The following SLCO2B1 variants were observed in gnomAD, a reference collection of about 807,000 sequenced individuals.
The protein encoded by SLCO2B1 is OATP-RP2.
Under a neutral mutation model 67.3 loss-of-function variants are expected in SLCO2B1, and 41 were observed. The observed-to-expected ratio is 0.61, with a 90% CI of 0.47 to 0.79. The LOEUF (loss-of-function observed/expected upper bound fraction) is 0.79. Ranked by LOEUF, SLCO2B1 falls within the 30% of genes least tolerant of loss-of-function variation. The probability of loss-of-function intolerance (pLI) is 0.00; values close to 1 mark genes in which losing one functional copy is unlikely to be tolerated. For missense variants in SLCO2B1, 837 were observed against 920.1 expected, an observed-to-expected ratio of 0.91 and a Z score of 1.17; for synonymous variants, 379 against 381.4, an observed-to-expected ratio of 0.99 and a Z score of 0.07.
At chr11:75,170,302 C>G (rs1731359392) in intron 6 of SLCO2B1, among the ~76,000 whole-genome samples, 1 of 152,168 alleles carries the variant, frequency 6.6e-6, no homozygotes, top group Non-Finnish European at 1.5e-5. Context: ...CTAGTTCTGA[C>G]CAGCTCAGAG....
chr11:75,166,383 A>G (rs1949892773), intron 4 of SLCO2B1, among the ~76,000 whole-genome samples: 3 of 152,228 alleles, frequency 2.0e-5, no homozygotes, highest in Admixed American at 6.5e-5. Flanking sequence ...TGGGAAAAGA[A>G]AGAATGAATG....
At chr11:75,169,534 G>C in intron 5 of SLCO2B1, 128 bp downstream of exon 5, 1 of 1,201,752 alleles carries the variant, frequency 8.3e-7, no homozygotes, top group Non-Finnish European at 1.2e-6. Context: ...TAAAGGTCCA[G>C]GGAAGCCCTG....
intron 7 of SLCO2B1, among the ~76,000 whole-genome samples, chr11:75,176,566 A>G (rs914526994): frequency 2.0e-5 from 3 of 152,210 alleles, no homozygotes; most frequent in African/African-American, 7.2e-5. Context: ...CCCCAAATCC[A>G]CATTTCTAAA....
chr11:75,151,420 A>G (rs772943651), intron 1 of SLCO2B1, 23 bp downstream of exon 1: 1 of 1,613,348 alleles, frequency 6.2e-7, no homozygotes, highest in Non-Finnish European at 8.5e-7. Context: ...AAATTAAGGA[A>G]GGGCCATGGA....
At chr11:75,151,677 C>T in intron 1 of SLCO2B1, 1 of 517,468 alleles carries the variant, frequency 1.9e-6, no homozygotes, top group Non-Finnish European at 3.4e-6. Flanking sequence ...AAAGACAGGC[C>T]CCTGACCCCC....
In SLCO2B1 at chr11:75,206,112, G is replaced by C. The variant is rs75075303; in HGVS notation, c.*1532G>C. The C allele has an allele frequency of 6.6e-6, 1 of 152,146 alleles. No homozygotes were observed. The highest frequency in any genetic ancestry group is 6.5e-5 in the Admixed American group (1 of 15,280). 9.4% of individuals were successfully genotyped at this position (152,146 alleles called of 1,614,324 possible). On this transcript the variant is annotated 3_prime_UTR_variant, in exon 14 of 14. Coordinates refer to ENST00000289575, the MANE Select transcript of SLCO2B1 (RefSeq NM_007256.5). ...AATATCTGAGCATGTATCTATCAAC[G>C]CCAAGAATTTCAAAGTCTCCTTCAA... is the stretch of plus-strand genomic sequence containing the variant.
In SLCO2B1 at chr11:75,205,638, T is replaced by C. The variant is rs1246781139; in HGVS notation, c.*1058T>C. The C allele has an allele frequency of 6.6e-6, 1 of 152,308 alleles. No homozygotes were observed. Among genetic ancestry groups the C allele is most frequent in the Non-Finnish European group, 1.5e-5 (1 of 68,110 alleles). 9.4% of individuals were successfully genotyped at this position (152,308 alleles called of 1,614,324 possible). On this transcript the variant is annotated 3_prime_UTR_variant, in exon 14 of 14. Transcript: ENST00000289575. ...TTGGGGGTGGCACCTGGTTCTCCGA[T>C]GCCTGGGCTGGTGTCAGGCCCAGGA...
chr11:75,159,036 C>T (rs1431639197), intron 1 of SLCO2B1, among the ~76,000 whole-genome samples: 1 of 152,250 alleles, frequency 6.6e-6, no homozygotes, highest in Non-Finnish European at 1.5e-5. Context: ...TGACCAGATA[C>T]CTGGGAAACG....
chr11:75,187,088 G>T (rs946455495), intron 7 of SLCO2B1, among the ~76,000 whole-genome samples: 1 of 152,118 alleles, frequency 6.6e-6, no homozygotes, highest in Non-Finnish European at 1.5e-5. Flanking sequence ...AATGATTTTT[G>T]ACTCTTATTT....
Position 75,193,333 on chromosome 11 carries a change from C to A in SLCO2B1, c.1191C>A (p.Phe397Leu). 1 of 1,614,168 alleles carries A rather than the reference C, an allele frequency of 6.2e-7. No individual in the cohort carries two copies. Among genetic ancestry groups the A allele is most frequent in the Non-Finnish European group, 8.5e-7 (1 of 1,180,046 alleles). Residue 397 changes from phenylalanine to leucine, a missense_variant, in exon 9 of 14, where the codon TTC becomes TTA. Coordinates refer to ENST00000289575, the MANE Select transcript of SLCO2B1 (RefSeq NM_007256.5). The surrounding 1 kb of genome is among the most constrained non-coding windows in gnomAD (Gnocchi z 4.2). Reference sequence around the variant, plus strand: ...GCATGGCCACCTTCCTGCCCAAGTTCCTGGAGCGCCAGTTTTCCATCACAG... The same window carrying A: ...GCATGGCCACCTTCCTGCCCAAGTTACTGGAGCGCCAGTTTTCCATCACAG... ...AAGMATFLPK[F>L]LERQFSITAS...
chr11:75,167,895 CTT>C (rs561140005), intron 4 of SLCO2B1, among the ~76,000 whole-genome samples: 6 of 134,400 alleles, frequency 4.5e-5, no homozygotes, highest in Non-Finnish European at 6.2e-5. Flanking sequence ...TTCTTTCTTT[CTT>C]TTTTTTTTTT....
intron 5 of SLCO2B1, 114 bp from the exon 6 acceptor site, chr11:75,169,552 C>T: frequency 8.3e-7 from 1 of 1,199,324 alleles, no homozygotes; most frequent in Non-Finnish European, 1.2e-6. Context: ...CTGGAGAGTT[C>T]CCCATCCCTG....
chr11:75,198,287 T>C (rs1053269754), intron 10 of SLCO2B1, among the ~76,000 whole-genome samples: 1 of 152,246 alleles, frequency 6.6e-6, no homozygotes, highest in Non-Finnish European at 1.5e-5. Context: ...AGGCAAATTA[T>C]TTAACTAGTG....
chr11:75,188,138 C>T lies in SLCO2B1; in HGVS notation c.975C>T (p.Gly325=). 6.2e-7 allele frequency: 1 copy of T among 1,611,840 alleles called. No homozygotes were observed. The highest frequency in any genetic ancestry group is 1.3e-5 in the African/African-American group (1 of 74,992). ...LAVTDSPARK[G]KDSPSKQSPG... ...CCTTGGTTTTGTGTCTCCTTCAGGGCAAGGACTCTCCCTCTAAGCAGAGCC... is the reference window on the plus strand; with the variant it reads ...CCTTGGTTTTGTGTCTCCTTCAGGGTAAGGACTCTCCCTCTAAGCAGAGCC... Residue 325 remains glycine, a splice_region_variant and synonymous_variant, in exon 8 of 14, where the codon GGC becomes GGT. Transcript: ENST00000289575.
chr11:75,165,642 G>T, intron 3 of SLCO2B1, 145 bp from the exon 4 acceptor site: 1 of 957,872 alleles, frequency 1.0e-6, no homozygotes, highest in South Asian at 1.7e-5. Flanking sequence ...CCTTCCGAGG[G>T]GGACCCAGGA....
At chr11:75,200,486 A>AAGTGGCCTCCTTT in intron 11 of SLCO2B1, 99 bp downstream of exon 11, 2 of 1,276,820 alleles carry the variant, frequency 1.6e-6, no homozygotes, top group Non-Finnish European at 2.1e-6. Flanking sequence ...AAAGGAGGCC[A>AAGTGGCCTCCTTT]CTTGGGTGTC....
intron 9 of SLCO2B1, among the ~76,000 whole-genome samples, chr11:75,194,567 T>C (rs1047497764): frequency 1.3e-5 from 2 of 151,262 alleles, no homozygotes; most frequent in Admixed American, 6.6e-5. Flanking sequence ...TCCTCCCCCT[T>C]TCATTCTCTG....
chr11:75,188,055 C>A, intron 7 of SLCO2B1, 81 bp from the exon 8 acceptor site: 1 of 899,468 alleles, frequency 1.1e-6, no homozygotes, highest in Non-Finnish European at 1.8e-6. Context: ...TCTCCAAGAC[C>A]TCTCCTCCCC....
chr11:75,193,376 C>T lies in SLCO2B1; in HGVS notation c.1234C>T (p.Leu412Phe). 1 of 1,614,198 alleles carries T rather than the reference C, an allele frequency of 6.2e-7. No homozygotes were observed. Among genetic ancestry groups the T allele is most frequent in the Non-Finnish European group, 8.5e-7 (1 of 1,180,038 alleles). Residue 412 changes from leucine to phenylalanine, a missense_variant, in exon 9 of 14, where the codon CTC (leucine) becomes TTC (phenylalanine). Transcript: ENST00000289575. This position sits in a 1 kb window ranked among gnomAD's most constrained non-coding sequence, Gnocchi z 4.2. ...FSITASYANL[L>F]IGCLSFPSVI... ...CATCACAGCCTCCTACGCCAACCTG[C>T]TCATCGGCTGCCTCTCCTTCCCTTC...
Sources: gnomAD v4.1 joint callset for allele counts (sites outside exome capture counted in the v4.1 genomes callset) on GRCh38, gnomAD v4.1.1 for gene constraint, Gnocchi (gnomAD v3.1) non-coding constraint, MANE v1.5 for transcripts, NCBI Gene and HGNC (gene_info 2026-07-23, HGNC 2026-07-21) for gene names.